HDAC9: variants seen among roughly 807,000 people sequenced by gnomAD.
The protein encoded by HDAC9 is histone deacetylase 9, also known as MEF-2 interacting transcription repressor (MITR) protein.
A neutral mutation model predicts 139.4 loss-of-function variants in HDAC9; 41 were observed. The observed-to-expected ratio is 0.29, with a 90% CI of 0.23 to 0.38. The LOEUF is 0.38. HDAC9 is among the 10% of genes least tolerant of loss of function. The pLI, the probability that HDAC9 is intolerant of heterozygous loss-of-function variation, is 1.00. For missense variants in HDAC9, 1,147 were observed against 1,297.0 expected (o/e 0.88, Z 1.78); for synonymous variants, 517 against 476.2 (o/e 1.09, Z -1.12).
chr7:18,688,909 GA>G (rs1782473529), intron 12 of HDAC9, among the ~76,000 whole-genome samples: 1 of 151,862 alleles, frequency 6.6e-6, no homozygotes, highest in South Asian at 2.1e-4. Context: ...ATTTTCCACT[GA>G]AATAAGTTAA....
chr7:18,165,750 A>T (rs377009061), intron 2 of HDAC9, among the ~76,000 whole-genome samples: 42 of 151,732 alleles, frequency 2.8e-4, no homozygotes, highest in African/African-American at 1.0e-3. Flanking sequence ...GCCATGATGA[A>T]GCCACTGCAC....
In HDAC9 at chr7:18,727,673, G is replaced by C; in HGVS notation, c.1825G>C (p.Val609Leu). The part of the protein sequence containing the change: ...GMDGLEKHRL[V>L]SRTHSSPAAS... ...GGATGGATTAGAGAAACACCGTCTC[G>C]TCTCCAGGACTCACTCTTCCCCTGC... The change falls in exon 13 of 26, where the codon GTC (valine) becomes CTC (leucine). Residue 609 changes from valine (V) to leucine (L), a missense_variant. This residue lies in a region of HDAC9 where 256 missense variants were observed against 219.2 expected (regional missense o/e 1.17). Transcript: ENST00000686413. The C allele has an allele frequency of 1.9e-6, 3 of 1,591,300 alleles. No homozygotes were observed. Among genetic ancestry groups the C allele is most frequent in the Non-Finnish European group, 2.6e-6 (3 of 1,171,526 alleles).
At chr7:18,200,671 G>A (rs1389668373) in intron 2 of HDAC9, among the ~76,000 whole-genome samples, 1 of 152,166 alleles carries the variant, frequency 6.6e-6, no homozygotes, top group Non-Finnish European at 1.5e-5. Flanking sequence ...CATTATGAAT[G>A]ATATTTCTAA....
At chr7:18,939,967 G>A (rs1781912015) in intron 23 of HDAC9, among the ~76,000 whole-genome samples, 1 of 152,184 alleles carries the variant, frequency 6.6e-6, no homozygotes, top group Non-Finnish European at 1.5e-5. Context: ...TTTGTCAGAT[G>A]TATTTATTCA....
chr7:18,136,916 T>C (rs1187247248), intron 1 of HDAC9, among the ~76,000 whole-genome samples: 7 of 151,812 alleles, frequency 4.6e-5, no homozygotes, highest in African/African-American at 1.5e-4. Context: ...TTTCACGATA[T>C]TGATTCTTCC....
intron 12 of HDAC9, among the ~76,000 whole-genome samples, chr7:18,682,386 A>T (rs1317071393): frequency 6.6e-6 from 1 of 151,896 alleles, no homozygotes; most frequent in Non-Finnish European, 1.5e-5. Context: ...TTAATTTTTC[A>T]TTTTTATTTT....
chr7:18,321,416 G>C (rs1800023687), intron 1 of HDAC9, among the ~76,000 whole-genome samples: 1 of 152,168 alleles, frequency 6.6e-6, no homozygotes, highest in African/African-American at 2.4e-5. Flanking sequence ...AGGTGAGCTA[G>C]AGAATGGTCA....
intron 1 of HDAC9, among the ~76,000 whole-genome samples, chr7:18,303,608 T>A (rs1798716928): frequency 1.3e-5 from 2 of 152,162 alleles, no homozygotes; most frequent in Non-Finnish European, 2.9e-5. Context: ...GTAAGATTAT[T>A]AGCTGACTAC....
At chr7:18,265,212 C>G (rs968439849) in intron 2 of HDAC9, among the ~76,000 whole-genome samples, 2 of 152,124 alleles carry the variant, frequency 1.3e-5, no homozygotes, top group African/African-American at 4.8e-5. Context: ...AGGGCAAGGA[C>G]AAATCAATAT....
At chr7:18,097,045 T>A (rs1440514869) in intron 1 of HDAC9, among the ~76,000 whole-genome samples, 1 of 152,160 alleles carries the variant, frequency 6.6e-6, no homozygotes, top group East Asian at 1.9e-4. Context: ...CTCTGCAACA[T>A]CATAGCCACT....
At chr7:18,796,978 G>A (rs1792858203) in intron 17 of HDAC9, among the ~76,000 whole-genome samples, 1 of 152,182 alleles carries the variant, frequency 6.6e-6, no homozygotes, top group Non-Finnish European at 1.5e-5. Flanking sequence ...GGTTATCTGA[G>A]TGATGGATGA....
chr7:18,876,938 G>A (rs903031535), intron 22 of HDAC9, among the ~76,000 whole-genome samples: 17 of 152,136 alleles, frequency 1.1e-4, no homozygotes, highest in African/African-American at 4.1e-4. Context: ...CTGACCTCAG[G>A]TGATGCACCT....
At chr7:18,094,985 T>A (rs1042095186) in intron 1 of HDAC9, among the ~76,000 whole-genome samples, 3 of 152,216 alleles carry the variant, frequency 2.0e-5, no homozygotes, top group Non-Finnish European at 4.4e-5. Context: ...GTTCTATAGC[T>A]GATTTTTTCC....
chr7:18,899,460 G>T (rs1801500149), intron 22 of HDAC9: 1 of 151,976 alleles, frequency 6.6e-6, no homozygotes, highest in African/African-American at 2.4e-5. Context: ...ATGTTGACAT[G>T]ATGGAAGACT....
chr7:18,590,196 A>C (rs1830551848), intron 3 of HDAC9, 140 bp from the exon 4 acceptor site: 3 of 901,098 alleles, frequency 3.3e-6, no homozygotes, highest in Non-Finnish European at 5.0e-6. Flanking sequence ...CTTAGATTTC[A>C]ATGATTTACA....
At chr7:18,280,069 C>T (rs368627834) in intron 2 of HDAC9, among the ~76,000 whole-genome samples, 16 of 152,062 alleles carry the variant, frequency 1.1e-4, no homozygotes, top group African/African-American at 2.4e-4. Context: ...TAAGGACCTA[C>T]GTCAGTTATG....
intron 6 of HDAC9, among the ~76,000 whole-genome samples, chr7:18,624,463 C>T (rs1176786893): frequency 1.3e-5 from 2 of 152,100 alleles, no homozygotes; most frequent in East Asian, 3.9e-4. Flanking sequence ...TGAGCACACA[C>T]ACTAAAAAGC....
At chr7:18,669,253 C>G (rs962782981) in intron 12 of HDAC9, among the ~76,000 whole-genome samples, 13 of 151,668 alleles carry the variant, frequency 8.6e-5, no homozygotes, top group African/African-American at 3.1e-4. Flanking sequence ...ATAACAAGCA[C>G]TCAATAAATA....
chr7:18,695,797 G>GA (rs1783000988), intron 12 of HDAC9, among the ~76,000 whole-genome samples: 1 of 152,144 alleles, frequency 6.6e-6, no homozygotes, highest in Admixed American at 6.5e-5. Context: ...TATACCTAGA[G>GA]AAGAGTGTCT....
Sources: gnomAD v4.1 joint callset for allele counts (sites outside exome capture counted in the v4.1 genomes callset) on GRCh38, gnomAD v4.1.1 for gene constraint, gnomAD v4.1.1 regional missense constraint, MANE v1.5 for transcripts, NCBI Gene and HGNC (gene_info 2026-07-23, HGNC 2026-07-21) for gene names.